Variants in MSRB3 observed in about 807,000 individuals in gnomAD.
MSRB3 encodes methionine sulfoxide reductase B3.
In MSRB3, 13 loss-of-function variants were observed where a neutral mutation model predicts 21.0. The ratio of observed to expected loss-of-function variants is 0.62; its 90% confidence interval spans 0.40 to 0.98. The LOEUF (loss-of-function observed/expected upper bound fraction) is 0.98. MSRB3 is among the 50% of genes least tolerant of loss of function. The pLI is 0.00. For missense variants in MSRB3, 199 were observed against 230.3 expected (o/e 0.86, Z 0.88); for synonymous variants, 87 against 88.6 (o/e 0.98, Z 0.10).
intron 1 of MSRB3, among the ~76,000 whole-genome samples, chr12:65,306,263 G>A (rs1207156200): frequency 6.6e-6 from 1 of 152,144 alleles, no homozygotes; most frequent in African/African-American, 2.4e-5. Flanking sequence ...AAATAATTTT[G>A]TTAAATCATT....
rs929680290 is a variant in MSRB3, at chr12:65,370,172, T to C, written c.292+1146T>C. Among the ~76,000 whole-genome samples, 9 of 152,280 alleles carry C rather than the reference T, an allele frequency of 5.9e-5. 2 individuals carry two copies. Among genetic ancestry groups the C allele is most frequent in the Admixed American group, 5.9e-4 (9 of 15,284 alleles). ...GTAGTATAAGATAAACATTTTTGGT[T>C]GAAAACGCTGACTATATAGAGACTA... On this transcript the variant is annotated intron_variant, in intron 5 of 6. Coordinates refer to ENST00000308259, the MANE Select transcript of MSRB3 (RefSeq NM_001031679.3).
rs187954979 is a variant in MSRB3 at position 65,304,145 on chromosome 12, T to C, written c.-51-4384T>C. Among the ~76,000 whole-genome samples, 739 of 152,264 alleles carry C rather than the reference T, an allele frequency of 4.9e-3. 6 individuals carry two copies. The highest frequency in any genetic ancestry group is 7.1e-3 in the Non-Finnish European group (486 of 68,016). ...ATGAGAAACATTTCAGAGGCACCAA[T>C]TGAGACGAAGTTAAGCAGCCATATC... On this transcript the variant is annotated intron_variant, in intron 1 of 6. Transcript: ENST00000308259.
At chr12:65,287,131 C>CTTT (rs368441408) in intron 1 of MSRB3, among the ~76,000 whole-genome samples, 4 of 124,758 alleles carry the variant, frequency 3.2e-5, no homozygotes, top group Non-Finnish European at 6.8e-5. Flanking sequence ...TTTCATTTCT[C>CTTT]TTTTTTTTTT....
chr12:65,462,627 A>T (rs185191353), intron 6 of MSRB3, among the ~76,000 whole-genome samples: 1 of 152,220 alleles, frequency 6.6e-6, no homozygotes, highest in African/African-American at 2.4e-5. Flanking sequence ...ACATAAATCT[A>T]TTGAGCCTTG....
intron 5 of MSRB3, among the ~76,000 whole-genome samples, chr12:65,392,342 C>T (rs1486548269): frequency 2.0e-5 from 3 of 152,156 alleles, no homozygotes; most frequent in Non-Finnish European, 2.9e-5. Context: ...CATTTTACCT[C>T]TGCATCTAGC....
At chr12:65,463,004 T>G (rs1883397706) in intron 6 of MSRB3, 151 bp from the exon 7 acceptor site, 3 of 922,464 alleles carry the variant, frequency 3.3e-6, no homozygotes, top group African/African-American at 1.6e-5. Context: ...AAACCATCTT[T>G]GCGGCTATTG....
chr12:65,328,474 T>C, intron 3 of MSRB3, 52 bp from the exon 4 acceptor site: 1 of 1,273,014 alleles, frequency 7.9e-7, no homozygotes, highest in Non-Finnish European at 1.1e-6. Context: ...AAATACATTC[T>C]GTAAGAAATA....
At chr12:65,299,408 C>T (rs897929891) in intron 1 of MSRB3, among the ~76,000 whole-genome samples, 6 of 152,184 alleles carry the variant, frequency 3.9e-5, no homozygotes, top group Admixed American at 6.5e-5. Context: ...TTGTCTTCCT[C>T]ATCAAGTGCC....
At chr12:65,443,635 G>A (rs1272049061) in intron 5 of MSRB3, among the ~76,000 whole-genome samples, 1 of 152,066 alleles carries the variant, frequency 6.6e-6, no homozygotes, top group East Asian at 1.9e-4. Context: ...TTCCCGGGGA[G>A]GGTTCTCTAT....
chr12:65,347,500 T>C (rs1876599997), intron 4 of MSRB3, among the ~76,000 whole-genome samples: 1 of 152,058 alleles, frequency 6.6e-6, no homozygotes, highest in South Asian at 2.1e-4. Flanking sequence ...GATGATGGGG[T>C]TTTCTAGATA....
intron 5 of MSRB3, among the ~76,000 whole-genome samples, chr12:65,404,445 T>G (rs1880300696): frequency 1.3e-5 from 2 of 152,242 alleles, no homozygotes; most frequent in Admixed American, 1.3e-4. Flanking sequence ...TGCAAGTGAT[T>G]TACTTGTATT....
At chr12:65,432,758 AT>A (rs1881942026) in intron 5 of MSRB3, among the ~76,000 whole-genome samples, 1 of 151,926 alleles carries the variant, frequency 6.6e-6, no homozygotes, top group Non-Finnish European at 1.5e-5. Context: ...TGTTGGCTTA[AT>A]TGCTTTGAGT....
chr12:65,410,026 C>G (rs908692769), intron 5 of MSRB3, among the ~76,000 whole-genome samples: 2 of 151,852 alleles, frequency 1.3e-5, no homozygotes, highest in Non-Finnish European at 2.9e-5. Flanking sequence ...TATTTTCATT[C>G]TTTATGATAT....
chr12:65,301,850 C>A (rs764157536), intron 1 of MSRB3, among the ~76,000 whole-genome samples: 1 of 152,120 alleles, frequency 6.6e-6, no homozygotes, highest in African/African-American at 2.4e-5. Context: ...ACCAAAACAA[C>A]GTATCACAAC....
intron 5 of MSRB3, among the ~76,000 whole-genome samples, chr12:65,396,737 AAAGAAAGAAAGAAAG>A: frequency 6.7e-6 from 1 of 149,626 alleles, no homozygotes; most frequent in South Asian, 2.1e-4. Context: ...AGAAAGAAAG[AAAGAAAGAAAGAAAG>A]AAAACCCAGC....
intron 5 of MSRB3, among the ~76,000 whole-genome samples, chr12:65,414,988 A>C (rs950524743): frequency 6.6e-6 from 1 of 152,160 alleles, no homozygotes; most frequent in Non-Finnish European, 1.5e-5. Context: ...TAAAAATTTG[A>C]GAGTCATAAG....
chr12:65,296,579 A>G (rs1254361754), intron 1 of MSRB3, among the ~76,000 whole-genome samples: 2 of 152,198 alleles, frequency 1.3e-5, no homozygotes, highest in African/African-American at 4.8e-5. Flanking sequence ...TAGGTGATAG[A>G]GTCAGGATTT....
intron 1 of MSRB3, among the ~76,000 whole-genome samples, chr12:65,306,410 C>A (rs1239393844): frequency 6.6e-6 from 1 of 152,184 alleles, no homozygotes; most frequent in Admixed American, 6.5e-5. Context: ...CTTTATGTCT[C>A]AGCTACATAT....
intron 1 of MSRB3, among the ~76,000 whole-genome samples, chr12:65,290,111 G>C (rs925887847): frequency 6.7e-6 from 1 of 149,092 alleles, no homozygotes; most frequent in African/African-American, 2.5e-5. Context: ...TTACTTTCAA[G>C]CTTCATTATC....
Sources: allele counts gnomAD v4.1 joint callset (sites outside exome capture counted in the v4.1 genomes callset), GRCh38; gene constraint gnomAD v4.1.1; transcripts MANE v1.5; gene names NCBI Gene and HGNC (gene_info 2026-07-23, HGNC 2026-07-21).